Variants in B3GNT3 observed in about 807,000 individuals in gnomAD.
B3GNT3 encodes the protein UDP-GlcNAc:betaGal beta-1,3-N-acetylglucosaminyltransferase 3, also known as N-acetyllactosaminide beta-1,3-N-acetylglucosaminyltransferase 3.
B3GNT3 carries 7 observed loss-of-function variants against 11.6 expected under a neutral mutation model. The observed-to-expected ratio is 0.60, with a 90% confidence interval of 0.34 to 1.13. The LOEUF (loss-of-function observed/expected upper bound fraction) is 1.13, where lower values mean the gene tolerates loss of function less well. Among genes scored for constraint, B3GNT3 ranks in the 50% most tolerant of loss-of-function variants. B3GNT3 has a pLI of 0.03. For synonymous variants in B3GNT3, 201 were observed against 222.1 expected (o/e 0.90, Z 0.85); for missense variants, 400 against 507.4 (o/e 0.79, Z 2.03).
chr19:17,794,793 T>C (rs1275122426), upstream of B3GNT3: 3 of 152,516 alleles, frequency 2.0e-5, no homozygotes, highest in Non-Finnish European at 1.5e-5. Context: ...GGGCCAACGC[T>C]GACCGGGCTC....
At position 17,813,147 on chromosome 19, in the gene B3GNT3, AGTCTCATT is replaced by A. The variant is rs2094183414; in HGVS notation, c.*1026_*1033del. 6.6e-6 allele frequency: 1 copy of A among 151,942 alleles called. No individual in the cohort carries two copies. Among genetic ancestry groups the A allele is most frequent in the Non-Finnish European group, 1.5e-5 (1 of 67,998 alleles). 9.4% of individuals were successfully genotyped at this position (151,942 alleles called of 1,614,324 possible). A position where few individuals can be genotyped will look rare whatever the true frequency, so the allele number is the denominator to read the frequency against. On this transcript the variant is annotated 3_prime_UTR_variant, in exon 3 of 3. Coordinates refer to ENST00000318683, the MANE Select transcript of B3GNT3 (RefSeq NM_014256.4). ...AGACAAGTCCACATTCATCCCTAAA[AGTCTCATT>A]TTCCAGTAGAAAATATACACTGGTA...
chr19:17,807,913 G>T lies in B3GNT3; in HGVS notation c.106G>T (p.Val36Phe), dbSNP rs2094175306. The change falls in exon 2 of 3, where the codon GTC becomes TTC. Residue 36 changes from valine (V) to phenylalanine (F), a missense_variant. Transcript: ENST00000318683. ...GCTAGTGTCACCACCCACCTGCAAG[G>T]TCCAGGAGCAGCCACCGGCGATCCC... ...SLLVSPPTCK[V>F]QEQPPAIPEA... 6.2e-7 allele frequency: 1 copy of T among 1,613,266 alleles called. No homozygotes were observed. The highest frequency in any genetic ancestry group is 2.2e-5 in the East Asian group (1 of 44,872).
chr19:17,795,589 C>T (rs1483823598), intron 1 of B3GNT3, among the ~76,000 whole-genome samples: 1 of 152,188 alleles, frequency 6.6e-6, no homozygotes, highest in East Asian at 1.9e-4. Context: ...GGCAAGCCAG[C>T]GCTGGGGTCC....
At chr19:17,807,271 C>CT (rs1245378080) in intron 1 of B3GNT3, among the ~76,000 whole-genome samples, 1 of 151,896 alleles carries the variant, frequency 6.6e-6, no homozygotes, top group African/African-American at 2.4e-5. Flanking sequence ...AGGTGGATCA[C>CT]TTGAGGTCAG....
chr19:17,804,730 T>G (rs2094170990), intron 1 of B3GNT3, among the ~76,000 whole-genome samples: 2 of 151,300 alleles, frequency 1.3e-5, no homozygotes, highest in South Asian at 2.1e-4. Context: ...TCTAATATTT[T>G]GTATTTAGTA....
Position 17,808,220 on chromosome 19 carries a change from G to C in B3GNT3, c.413G>C (p.Gly138Ala). Reference protein sequence around the residue: ...RTWGRERKVRGLQLRLLFLVG... With the variant: ...RTWGRERKVRALQLRLLFLVG... ...TGGGGCCGCGAGCGCAAGGTACGGGGTTTGCAGCTGCGCCTCCTCTTCCTG... is the reference window on the plus strand; with the variant it reads ...TGGGGCCGCGAGCGCAAGGTACGGGCTTTGCAGCTGCGCCTCCTCTTCCTG... Residue 138 changes from glycine to alanine, a missense_variant, in exon 2 of 3, where the codon GGT becomes GCT. Coordinates refer to ENST00000318683, the MANE Select transcript of B3GNT3 (RefSeq NM_014256.4). The C allele has an allele frequency of 6.2e-7, 1 of 1,613,424 alleles. No homozygotes were observed. Among genetic ancestry groups the C allele is most frequent in the Non-Finnish European group, 8.5e-7 (1 of 1,179,726 alleles).
In B3GNT3 at chr19:17,804,533, CTTTTT is replaced by C. The variant is rs67513010; in HGVS notation, c.-50-3207_-50-3203del. On this transcript the variant is annotated intron_variant, in intron 1 of 2. Coordinates refer to ENST00000318683, the MANE Select transcript of B3GNT3 (RefSeq NM_014256.4). The stretch of plus-strand genomic sequence containing the variant: ...TACAGGCGTGAGCCACCGTGCCCAG[CTTTTT>C]TTTTTTTTTTTTTTTTTGAGACATA... Among the ~76,000 whole-genome samples, 11 of 57,014 alleles carry C rather than the reference CTTTTT, an allele frequency of 1.9e-4. 1 individual carries two copies. The highest frequency in any genetic ancestry group is 6.6e-4 in the African/African-American group (8 of 12,050). The allele number at this position is 57,014 out of a possible 152,430, so 37.4% of individuals were successfully genotyped here. A position where few individuals can be genotyped will look rare whatever the true frequency, so the allele number is the denominator to read the frequency against.
At chr19:17,802,755 G>A (rs933958978) in intron 1 of B3GNT3, among the ~76,000 whole-genome samples, 1 of 151,972 alleles carries the variant, frequency 6.6e-6, no homozygotes, top group Non-Finnish European at 1.5e-5. Flanking sequence ...ACAGCTCCCT[G>A]CAGCCTCCAC....
At position 17,807,949 on chromosome 19, in the gene B3GNT3, G is replaced by A; in HGVS notation, c.142G>A (p.Ala48Thr). 6.2e-7 allele frequency: 1 copy of A among 1,613,182 alleles called. No homozygotes were observed. Among genetic ancestry groups the A allele is most frequent in the Non-Finnish European group, 8.5e-7 (1 of 1,179,814 alleles). ...GCCACCGGCGATCCCCGAGGCCCTGGCCTGGCCCACTCCACCCACCCGCCC... is the reference window on the plus strand; with the variant it reads ...GCCACCGGCGATCCCCGAGGCCCTGACCTGGCCCACTCCACCCACCCGCCC... ...EQPPAIPEAL[A>T]WPTPPTRPAP... is the part of the protein sequence containing the mutation. The change falls in exon 2 of 3, where the codon GCC becomes ACC. Residue 48 changes from alanine to threonine, a missense_variant. Transcript: ENST00000318683.
intron 1 of B3GNT3, among the ~76,000 whole-genome samples, chr19:17,803,501 G>A (rs897337631): frequency 3.3e-5 from 5 of 152,170 alleles, no homozygotes; most frequent in African/African-American, 7.2e-5. Context: ...GCACTGGCAC[G>A]TGAAGTGCAA....
rs73923208 is a variant in B3GNT3 at position 17,803,289 on chromosome 19, G to A, written c.-50-4469G>A. ...CCAAAGTACCGGGATTACAGACGTGGGCCACAGCTCCCGGCCATGTTTAAG... is the reference window on the plus strand; with the variant it reads ...CCAAAGTACCGGGATTACAGACGTGAGCCACAGCTCCCGGCCATGTTTAAG... On this transcript the variant is annotated intron_variant, in intron 1 of 2. Coordinates refer to ENST00000318683, the MANE Select transcript of B3GNT3 (RefSeq NM_014256.4). Among the ~76,000 whole-genome samples, 713 of 152,212 alleles carry A rather than the reference G, an allele frequency of 4.7e-3. 4 individuals are homozygous for A. Among genetic ancestry groups the A allele is most frequent in the African/African-American group, 0.016 (683 of 41,558 alleles).
At chr19:17,799,596 C>A (rs899901307) in intron 1 of B3GNT3, among the ~76,000 whole-genome samples, 16 of 151,910 alleles carry the variant, frequency 1.1e-4, no homozygotes, top group Admixed American at 5.9e-4. Context: ...GAGGAGGATG[C>A]TAAGGTCTGG....
Position 17,807,763 on chromosome 19 carries a change from G to C in B3GNT3, c.-45G>C. ...GTGAGTTTTGTTTTCCACAGGAGCCGCCCAGGAGGCTCCTCAGGCCGACCC... is the reference window on the plus strand; with the variant it reads ...GTGAGTTTTGTTTTCCACAGGAGCCCCCCAGGAGGCTCCTCAGGCCGACCC... On this transcript the variant is annotated 5_prime_UTR_variant, in exon 2 of 3. Coordinates refer to ENST00000318683, the MANE Select transcript of B3GNT3 (RefSeq NM_014256.4). The C allele has an allele frequency of 6.5e-7, 1 of 1,550,230 alleles. No homozygotes were observed. Among genetic ancestry groups the C allele is most frequent in the Non-Finnish European group, 8.8e-7 (1 of 1,138,440 alleles).
chr19:17,812,135 G>A lies in B3GNT3; in HGVS notation c.*13G>A, dbSNP rs1335958312. Reference sequence around the variant, plus strand: ...ACAGATCTACTGAGTCAGCATCAGGGTCCCCAGCCTCTGGGCTCCTGTTTC... The same window carrying A: ...ACAGATCTACTGAGTCAGCATCAGGATCCCCAGCCTCTGGGCTCCTGTTTC... On this transcript the variant is annotated 3_prime_UTR_variant, in exon 3 of 3. Coordinates refer to ENST00000318683, the MANE Select transcript of B3GNT3 (RefSeq NM_014256.4). 6.4e-7 allele frequency: 1 copy of A among 1,571,474 alleles called. No individual in the cohort carries two copies. Among genetic ancestry groups the A allele is most frequent in the Middle Eastern group, 1.7e-4 (1 of 5,732 alleles).
At chr19:17,807,736 C>A in intron 1 of B3GNT3, 22 bp from the exon 2 acceptor site, 1 of 1,411,358 alleles carries the variant, frequency 7.1e-7, no homozygotes, top group South Asian at 1.3e-5. Flanking sequence ...GGCGAGTGTT[C>A]AGTGAGTTTT....
In B3GNT3 at chr19:17,811,707, T is replaced by C; in HGVS notation, c.704T>C (p.Val235Ala). 2.5e-6 allele frequency: 4 copies of C among 1,614,222 alleles called. No homozygotes were observed. Among genetic ancestry groups the C allele is most frequent in the Non-Finnish European group, 3.4e-6 (4 of 1,180,036 alleles). ...CATGACCCTGGCCGCCACCTCTTCG[T>C]GGGGCAACTGATCCAAAACGTGGGC... ...QDHDPGRHLF[V>A]GQLIQNVGPI... Residue 235 changes from valine to alanine, a missense_variant, in exon 3 of 3, where the codon GTG becomes GCG. Val to Ala is a moderately conservative substitution (Grantham distance 64). Coordinates refer to ENST00000318683, the MANE Select transcript of B3GNT3 (RefSeq NM_014256.4). The surrounding 1 kb of genome is among the most constrained non-coding windows in gnomAD (Gnocchi z 4.1).
In B3GNT3 at chr19:17,807,859, G is replaced by A. The variant is rs375024143; in HGVS notation, c.52G>A (p.Gly18Ser). 1.2e-5 allele frequency: 20 copies of A among 1,613,192 alleles called. No homozygotes were observed. In the African/African-American group the frequency reaches 1.5e-4, roughly 12 times the overall value. ...RPNATLILAI[G>S]AFTLLLFSLL... ...CAATGCCACCCTCATTCTGGCCATC[G>A]GCGCTTTCACCCTCCTCCTCTTCAG... Residue 18 changes from glycine (G) to serine (S), a missense_variant, in exon 2 of 3, where the codon GGC becomes AGC. By Grantham distance (56) the Gly-to-Ser change is moderately conservative. Transcript: ENST00000318683.
Position 17,807,960 on chromosome 19 carries a change from T to TCCGGGCCC in B3GNT3, c.155_156insGGGCCCCC (p.Pro53GlyfsTer63). ...TCCCCGAGGCCCTGGCCTGGCCCAC[T>TCCGGGCCC]CCACCCACCCGCCCAGCCCCGGCCC... On this transcript the variant is annotated frameshift_variant, in exon 2 of 3. Transcript: ENST00000318683. LOFTEE classifies it high-confidence loss of function. 18 of 1,609,502 alleles carry TCCGGGCCC rather than the reference T, an allele frequency of 1.1e-5. No individual in the cohort carries two copies. The highest frequency in any genetic ancestry group is 1.4e-5 in the Non-Finnish European group (16 of 1,178,084).
At chr19:17,810,192 T>C (rs1286915594) in intron 2 of B3GNT3, among the ~76,000 whole-genome samples, 1 of 152,052 alleles carries the variant, frequency 6.6e-6, no homozygotes, top group Non-Finnish European at 1.5e-5. Context: ...CATGCTGTGT[T>C]CTGAAAACAC....
Sources: allele counts gnomAD v4.1 joint callset (sites outside exome capture counted in the v4.1 genomes callset), GRCh38; gene constraint gnomAD v4.1.1; non-coding constraint Gnocchi (gnomAD v3.1); transcripts MANE v1.5; gene names NCBI Gene and HGNC (gene_info 2026-07-23, HGNC 2026-07-21).